ADARB2: variants seen among roughly 807,000 people sequenced by gnomAD.
ADARB2 encodes the protein adenosine deaminase RNA specific B2 (inactive).
ADARB2 carries 25 observed loss-of-function variants against 62.2 expected under a neutral mutation model. That is an observed-to-expected ratio of 0.40 (90% CI 0.29 to 0.56). ADARB2 has a LOEUF of 0.56. Ranked by LOEUF, ADARB2 falls within the 20% of genes least tolerant of loss-of-function variation. The pLI is 0.43. For synonymous variants in ADARB2, 572 were observed against 500.8 expected (o/e 1.14, Z -1.90); for missense variants, 1,071 against 1,077.4 (o/e 0.99, Z 0.08).
chr10:1,422,924 C>T (rs1451017519), intron 1 of ADARB2, among the ~76,000 whole-genome samples: 1 of 152,180 alleles, frequency 6.6e-6, no homozygotes, highest in Non-Finnish European at 1.5e-5. Flanking sequence ...TCCCTAGAAA[C>T]AATGGCTTGG....
At chr10:1,547,909 C>T (rs550114749) in intron 1 of ADARB2, among the ~76,000 whole-genome samples, 2 of 152,118 alleles carry the variant, frequency 1.3e-5, no homozygotes, top group Non-Finnish European at 2.9e-5. Flanking sequence ...TGTTGGGAGG[C>T]CCCTGACAGG....
intron 1 of ADARB2, among the ~76,000 whole-genome samples, chr10:1,450,583 T>C (rs894771556): frequency 1.3e-5 from 2 of 152,230 alleles, no homozygotes; most frequent in South Asian, 4.1e-4. Flanking sequence ...GGATGTCTGG[T>C]TCTTCCCCAG....
chr10:1,226,829 G>T (rs1261773950), intron 6 of ADARB2, among the ~76,000 whole-genome samples: 1 of 145,056 alleles, frequency 6.9e-6, no homozygotes, highest in Admixed American at 6.8e-5. Flanking sequence ...TATTGGGGGG[G>T]TGCCTCCCAG....
chr10:1,263,777 T>G (rs1831167197), intron 4 of ADARB2, among the ~76,000 whole-genome samples: 1 of 152,240 alleles, frequency 6.6e-6, no homozygotes. Context: ...TAATTCAGCC[T>G]TGAGGGTTTT....
chr10:1,298,984 A>G (rs1831549428), intron 3 of ADARB2, among the ~76,000 whole-genome samples: 1 of 151,626 alleles, frequency 6.6e-6, no homozygotes, highest in African/African-American at 2.4e-5. Context: ...GGCTCAAGTG[A>G]TCCACCTGCC....
rs1202649244 is a variant in ADARB2 at position 1,633,281 on chromosome 10, T to A, written c.100+103770A>T. 2.6e-5 allele frequency among the ~76,000 whole-genome samples: 4 copies of A among 152,242 alleles called. 1 individual carries two copies. The highest frequency in any genetic ancestry group is 9.6e-5 in the African/African-American group (4 of 41,544). ...TGATCACATGAGCCAGTTCCCATAA[T>A]AAACCTCCCCATACACAGGTTGAGT... On this transcript the variant is annotated intron_variant, in intron 1 of 9. Coordinates refer to ENST00000381312, the MANE Select transcript of ADARB2 (RefSeq NM_018702.4).
chr10:1,315,484 C>T (rs894665350), intron 3 of ADARB2, among the ~76,000 whole-genome samples: 2 of 152,258 alleles, frequency 1.3e-5, no homozygotes, highest in Admixed American at 6.5e-5. Flanking sequence ...CTGCACCTGA[C>T]ATTTGATTTA....
intron 1 of ADARB2, among the ~76,000 whole-genome samples, chr10:1,385,730 T>C (rs1175564027): frequency 2.0e-5 from 3 of 152,160 alleles, no homozygotes; most frequent in African/African-American, 7.2e-5. Flanking sequence ...ATACTTTAAA[T>C]AATAGTTTAA....
intron 1 of ADARB2, among the ~76,000 whole-genome samples, chr10:1,524,317 A>G (rs897602889): frequency 1.3e-5 from 2 of 152,224 alleles, no homozygotes; most frequent in Non-Finnish European, 2.9e-5. Context: ...AGTCCCACTA[A>G]TTCAGTCGCC....
intron 4 of ADARB2, among the ~76,000 whole-genome samples, chr10:1,249,777 A>G (rs1411039862): frequency 2.0e-5 from 3 of 152,084 alleles, no homozygotes; most frequent in African/African-American, 7.2e-5. Context: ...GGCAGGTAAC[A>G]CAAGCACTGT....
chr10:1,575,213 A>G lies in ADARB2; in HGVS notation c.100+161838T>C, dbSNP rs568468589. Among the ~76,000 whole-genome samples the G allele has an allele frequency of 4.0e-5, 6 of 151,676 alleles. No individual in the cohort carries two copies. In the South Asian group the frequency reaches 1.3e-3, roughly 32 times the overall value. ...AACGGCTTGCTTGTGATTGGATTTT[A>G]TGAACAGAGCAATTCTACTGTTTTT... On this transcript the variant is annotated intron_variant, in intron 1 of 9. Coordinates refer to ENST00000381312, the MANE Select transcript of ADARB2 (RefSeq NM_018702.4).
intron 1 of ADARB2, among the ~76,000 whole-genome samples, chr10:1,401,232 G>C (rs970978243): frequency 6.6e-6 from 1 of 152,220 alleles, no homozygotes; most frequent in Non-Finnish European, 1.5e-5. Flanking sequence ...CCGGGTGGGG[G>C]ACGGCCCGGT....
chr10:1,700,245 G>A (rs71500166), intron 1 of ADARB2, among the ~76,000 whole-genome samples: 4 of 15,994 alleles, frequency 2.5e-4, no homozygotes, highest in African/African-American at 5.5e-4. Context: ...GAGACCAGGC[G>A]CTCGCCAATA....
chr10:1,420,734 C>T (rs995215519), intron 1 of ADARB2, among the ~76,000 whole-genome samples: 1 of 152,058 alleles, frequency 6.6e-6, no homozygotes, highest in African/African-American at 2.4e-5. Context: ...GGCTCTGCAC[C>T]CAGGGCACAG....
intron 1 of ADARB2, among the ~76,000 whole-genome samples, chr10:1,648,874 C>G (rs1026706777): frequency 3.9e-5 from 6 of 152,144 alleles, no homozygotes; most frequent in Admixed American, 3.3e-4. Flanking sequence ...TCTCTAGCTC[C>G]TCATCTTACA....
chr10:1,517,185 G>A lies in ADARB2; in HGVS notation c.101-138025C>T, dbSNP rs563277273. ...GGCCCCTGAAAGTAACTCTTGCATC[G>A]TGCCTTCCTTTTTTGGAAAAGGGCA... On this transcript the variant is annotated intron_variant, in intron 1 of 9. Coordinates refer to ENST00000381312, the MANE Select transcript of ADARB2 (RefSeq NM_018702.4). Among the ~76,000 whole-genome samples the A allele has an allele frequency of 1.2e-4, 19 of 152,082 alleles. No homozygotes were observed. In the South Asian group the frequency reaches 3.1e-3, roughly 25 times the overall value.
intron 1 of ADARB2, among the ~76,000 whole-genome samples, chr10:1,609,532 C>T (rs553385514): frequency 2.0e-5 from 3 of 152,368 alleles, no homozygotes; most frequent in African/African-American, 7.2e-5. Flanking sequence ...CCATCTCTTC[C>T]CTTATGAGAA....
chr10:1,262,140 G>T (rs1249276801), intron 4 of ADARB2, among the ~76,000 whole-genome samples: 6 of 114,536 alleles, frequency 5.2e-5, no homozygotes, highest in Non-Finnish European at 8.5e-5. Flanking sequence ...TGGGGACTGT[G>T]GTGGGGTGGG....
chr10:1,376,257 G>A (rs1270604940), intron 2 of ADARB2, among the ~76,000 whole-genome samples: 1 of 152,198 alleles, frequency 6.6e-6, no homozygotes, highest in African/African-American at 2.4e-5. Context: ...CTACACAAAG[G>A]GGAGCAACTA....
Sources: allele counts gnomAD v4.1 joint callset (sites outside exome capture counted in the v4.1 genomes callset), GRCh38; gene constraint gnomAD v4.1.1; transcripts MANE v1.5; gene names NCBI Gene and HGNC (gene_info 2026-07-23, HGNC 2026-07-21).